Variants in UNC93A observed in about 807,000 individuals in gnomAD.
UNC93A encodes N-acetylglucosamine transporter UNC93A.
A neutral mutation model predicts 47.5 loss-of-function variants in UNC93A; 43 were observed. That is an observed-to-expected ratio of 0.91 (90% CI 0.71 to 1.17). UNC93A has a LOEUF of 1.17. UNC93A is among the 50% of genes most tolerant of loss of function. The pLI is 0.00. For missense variants in UNC93A, 605 were observed against 577.6 expected (o/e 1.05, Z -0.49); for synonymous variants, 280 against 258.0 (o/e 1.09, Z -0.82).
chr6:167,297,070 C>G (rs1170472530), intron 3 of UNC93A, among the ~76,000 whole-genome samples: 3 of 152,190 alleles, frequency 2.0e-5, no homozygotes. Context: ...TGATGCATAG[C>G]AATTTTTACT....
Position 167,291,537 on chromosome 6 carries a change from G to C in UNC93A, c.48G>C (p.Leu16=), listed in dbSNP as rs1186442360. The change falls in exon 1 of 8, where the codon CTG becomes CTC. Residue 16 remains leucine, a synonymous_variant. Transcript: ENST00000230256. The stretch of plus-strand genomic sequence containing the variant: ...TCCTTGTGGTTTCCTTTGGGTTCCT[G>C]CTTCTCTTTACAGCCTATGGAGGTC... The part of the protein sequence containing the change: ...RNVLVVSFGF[L]LLFTAYGGLQ... 1.2e-6 allele frequency: 2 copies of C among 1,613,766 alleles called. No individual in the cohort carries two copies. Among genetic ancestry groups the C allele is most frequent in the South Asian group, 2.2e-5 (2 of 90,948 alleles).
chr6:167,298,016 A>G lies in UNC93A; in HGVS notation c.571A>G (p.Ser191Gly). Residue 191 changes from serine to glycine, a missense_variant, in exon 4 of 8, where the codon AGC (serine) becomes GGC (glycine). Transcript: ENST00000230256. ...CCTGATGGCCACCACAACCACCAAC[A>G]GCACCCAGAGGCCCTCCCAGCAGCT... Reference protein sequence around the residue: ...DCLMATTTTNSTQRPSQQLVY... With the variant: ...DCLMATTTTNGTQRPSQQLVY... 1 of 1,613,926 alleles carries G rather than the reference A, an allele frequency of 6.2e-7. No homozygotes were observed. Among genetic ancestry groups the G allele is most frequent in the Non-Finnish European group, 8.5e-7 (1 of 1,179,990 alleles).
intron 1 of UNC93A, among the ~76,000 whole-genome samples, chr6:167,285,065 C>T (rs946653639): frequency 6.6e-5 from 10 of 151,702 alleles, no homozygotes; most frequent in Non-Finnish European, 1.2e-4. Context: ...TGTTCCTTCC[C>T]ACACCGTCTG....
At chr6:167,285,437 G>C (rs1188370734) in intron 1 of UNC93A, among the ~76,000 whole-genome samples, 6 of 151,850 alleles carry the variant, frequency 4.0e-5, no homozygotes, top group Non-Finnish European at 7.4e-5. Flanking sequence ...CAGCCAGGAG[G>C]GGAAGTGAGC....
intron 4 of UNC93A, among the ~76,000 whole-genome samples, chr6:167,300,895 G>A (rs1320544446): frequency 6.6e-6 from 1 of 152,200 alleles, no homozygotes; most frequent in African/African-American, 2.4e-5. Context: ...TTTGGAGTGG[G>A]GGCTGCAGCC....
chr6:167,288,669 T>G (rs1783786405), upstream of UNC93A, among the ~76,000 whole-genome samples: 1 of 152,230 alleles, frequency 6.6e-6, no homozygotes, highest in South Asian at 2.1e-4. Context: ...AAATTGATAT[T>G]AATTTGCTTA....
In UNC93A at chr6:167,282,362, A is replaced by G. The variant is rs139708024; in HGVS notation, c.-51-9077A>G. Among the ~76,000 whole-genome samples the G allele has an allele frequency of 9.9e-5, 15 of 152,162 alleles. No homozygotes were observed. In the East Asian group the frequency reaches 2.9e-3, roughly 29 times the overall value. ...CACACACCTGATGGGGTCAAGAGAAAGTGTGCATAGGGGGCCCCACCAAGG... is the reference window on the plus strand; with the variant it reads ...CACACACCTGATGGGGTCAAGAGAAGGTGTGCATAGGGGGCCCCACCAAGG... On this transcript the variant is annotated intron_variant, in intron 1 of 3. Coordinates refer to the UNC93A transcript ENST00000503433.
intron 4 of UNC93A, among the ~76,000 whole-genome samples, chr6:167,299,390 T>C (rs1471765979): frequency 1.3e-5 from 2 of 151,994 alleles, no homozygotes; most frequent in East Asian, 3.9e-4. Flanking sequence ...CATGCTGAGA[T>C]GATGTGCGGC....
chr6:167,296,063 G>A lies in UNC93A; in HGVS notation c.301G>A (p.Gly101Arg), dbSNP rs746286194. Reference protein sequence around the residue: ...YTLIPTSILLGLGAAPLWSAQ... With the variant: ...YTLIPTSILLRLGAAPLWSAQ... ...TTTGATCCCCACCTCCATACTGCTG[G>A]GACTCGGGGCCGCCCCGCTGTGGTC... Residue 101 changes from glycine to arginine, a missense_variant, in exon 3 of 8, where the codon GGA becomes AGA. Gly to Arg is a moderately radical substitution (Grantham distance 125). Coordinates refer to ENST00000230256, the MANE Select transcript of UNC93A (RefSeq NM_018974.4). 2.5e-6 allele frequency: 4 copies of A among 1,614,190 alleles called. No homozygotes were observed. Among genetic ancestry groups the A allele is most frequent in the Admixed American group, 1.7e-5 (1 of 60,032 alleles).
upstream of UNC93A, among the ~76,000 whole-genome samples, chr6:167,269,110 C>A (rs950150029): frequency 2.0e-5 from 3 of 152,178 alleles, no homozygotes; most frequent in African/African-American, 7.2e-5. Flanking sequence ...TGTGGGCAGC[C>A]GTAGCGAGGC....
intron 1 of UNC93A, among the ~76,000 whole-genome samples, chr6:167,280,325 G>T (rs1435431691): frequency 6.6e-6 from 1 of 152,138 alleles, no homozygotes; most frequent in African/African-American, 2.4e-5. Flanking sequence ...TTGTTAATGA[G>T]GGGGAAAATG....
intron 4 of UNC93A, among the ~76,000 whole-genome samples, chr6:167,298,968 G>T (rs1778164564): frequency 6.6e-6 from 1 of 151,632 alleles, no homozygotes; most frequent in Admixed American, 6.6e-5. Flanking sequence ...ACAAAAATTA[G>T]CTGAGCGAGC....
At chr6:167,307,986 T>C in intron 7 of UNC93A, 76 bp downstream of exon 7, 2 of 1,573,810 alleles carry the variant, frequency 1.3e-6, no homozygotes, top group Non-Finnish European at 1.7e-6. Context: ...TGGGGCTCAT[T>C]AGATGCCAAT....
At chr6:167,275,253 G>A (rs73257110) in intron 1 of UNC93A, among the ~76,000 whole-genome samples, 4 of 152,142 alleles carry the variant, frequency 2.6e-5, no homozygotes, top group East Asian at 1.9e-4. Flanking sequence ...ATTCTGCCAC[G>A]TCCTCCTCTG....
chr6:167,294,670 T>A lies in UNC93A; in HGVS notation c.241T>A (p.Phe81Ile), dbSNP rs1286250116. The A allele has an allele frequency of 6.2e-7, 1 of 1,602,558 alleles. No homozygotes were observed. Among genetic ancestry groups the A allele is most frequent in the Non-Finnish European group, 8.5e-7 (1 of 1,171,466 alleles). The change falls in exon 2 of 8, where the codon TTC becomes ATC. Residue 81 changes from phenylalanine to isoleucine, a missense_variant. Phe to Ile is a conservative substitution (Grantham distance 21). Transcript: ENST00000230256. ...CCTCTCCATGTGTGGCTACGTGGCC[T>A]TCTCCGTGGGCAACTTCTTCGCCAG... ...IILSMCGYVA[F>I]SVGNFFASWY...
Position 167,296,386 on chromosome 6 carries a change from C to T in UNC93A, c.499+125C>T. On this transcript the variant is annotated intron_variant, in intron 3 of 7. Transcript: ENST00000230256. ...TGTAACTTGAGCAGGTGAGTCAGGC[C>T]CCACAGGTGAGATTCTCAACCTGCC... 4.0e-6 allele frequency: 4 copies of T among 1,011,796 alleles called. No homozygotes were observed. In the South Asian group the frequency reaches 6.0e-5, roughly 15 times the overall value. 62.7% of individuals were successfully genotyped at this position (1,011,796 alleles called of 1,614,324 possible). A position where few individuals can be genotyped will look rare whatever the true frequency, so the allele number is the denominator to read the frequency against.
chr6:167,314,956 G>A (rs1778651360), intron 7 of UNC93A, among the ~76,000 whole-genome samples: 1 of 152,130 alleles, frequency 6.6e-6, no homozygotes, highest in Admixed American at 6.5e-5. Context: ...GCTGTGTCAC[G>A]GGCACCGGTC....
At chr6:167,314,334 A>G (rs1331186360) in intron 7 of UNC93A, among the ~76,000 whole-genome samples, 2 of 152,118 alleles carry the variant, frequency 1.3e-5, no homozygotes. Context: ...CTCCTGGGGA[A>G]CCACATGCTT....
At chr6:167,298,461 G>A (rs1484432191) in intron 4 of UNC93A, 1 of 156,592 alleles carries the variant, frequency 6.4e-6, no homozygotes, top group Admixed American at 6.4e-5. Flanking sequence ...AGGGCACTGG[G>A]ATTGACTGTT....
Sources: allele counts gnomAD v4.1 joint callset (sites outside exome capture counted in the v4.1 genomes callset), GRCh38; gene constraint gnomAD v4.1.1; transcripts MANE v1.5; gene names NCBI Gene and HGNC (gene_info 2026-07-23, HGNC 2026-07-21).